Variants in CTNNA3 observed in about 807,000 individuals in gnomAD.
CTNNA3 encodes the protein catenin alpha-3.
In CTNNA3, 76 loss-of-function variants were observed where a neutral mutation model predicts 95.7. The ratio of observed to expected loss-of-function variants is 0.79; its 90% CI spans 0.66 to 0.96. The LOEUF (loss-of-function observed/expected upper bound fraction) is 0.96, where lower values mean the gene tolerates loss of function less well. Among genes scored for constraint, CTNNA3 ranks in the 40% least tolerant of loss-of-function variants. CTNNA3 has a pLI of 0.00. For synonymous variants in CTNNA3, 431 were observed against 374.4 expected (o/e 1.15, Z -1.74); for missense variants, 1,191 against 1,089.8 (o/e 1.09, Z -1.31).
intron 4 of CTNNA3, among the ~76,000 whole-genome samples, chr10:67,525,353 C>T (rs1840110372): frequency 2.0e-5 from 3 of 151,926 alleles, no homozygotes; most frequent in Admixed American, 6.6e-5. Context: ...ATTATTTCTG[C>T]TCAGAAATAA....
intron 9 of CTNNA3, among the ~76,000 whole-genome samples, chr10:66,684,087 C>T (rs1310480414): frequency 2.6e-5 from 4 of 152,040 alleles, no homozygotes; most frequent in Admixed American, 2.6e-4. Context: ...AATAAGTTGA[C>T]CTCTCTGTAA....
At chr10:66,021,871 A>C (rs1238298783) in intron 15 of CTNNA3, among the ~76,000 whole-genome samples, 3 of 24,010 alleles carry the variant, frequency 1.2e-4, no homozygotes, top group African/African-American at 4.7e-4. Context: ...TTTTTTTTAG[A>C]TAGATAGGGT....
intron 7 of CTNNA3, among the ~76,000 whole-genome samples, chr10:66,944,163 A>C (rs1184783707): frequency 6.6e-6 from 1 of 152,242 alleles, no homozygotes; most frequent in Non-Finnish European, 1.5e-5. Flanking sequence ...AATTGAAGTC[A>C]ATCCTCTCAA....
intron 10 of CTNNA3, among the ~76,000 whole-genome samples, chr10:66,565,701 A>G (rs965078678): frequency 6.6e-6 from 1 of 152,104 alleles, no homozygotes; most frequent in African/African-American, 2.4e-5. Flanking sequence ...TAAACTCAGG[A>G]AAGTTTTTCA....
Position 67,086,665 on chromosome 10 carries a change from A to T in CTNNA3, c.1047+93652T>A, listed in dbSNP as rs117999422. 3.1e-3 allele frequency among the ~76,000 whole-genome samples: 468 copies of T among 152,092 alleles called. 5 individuals are homozygous for T. The highest frequency in any genetic ancestry group is 7.3e-3 in the East Asian group (38 of 5,172). Reference sequence around the variant, plus strand: ...CAAGTGGGCTATTAGAAGTCATGAGACACACACACAAACATAAATGCCAAT... The same window carrying T: ...CAAGTGGGCTATTAGAAGTCATGAGTCACACACACAAACATAAATGCCAAT... On this transcript the variant is annotated intron_variant, in intron 7 of 17. Transcript: ENST00000433211.
At chr10:66,777,895 C>T (rs1476338374) in intron 7 of CTNNA3, among the ~76,000 whole-genome samples, 1 of 151,884 alleles carries the variant, frequency 6.6e-6, no homozygotes, top group Non-Finnish European at 1.5e-5. Flanking sequence ...TGTGATTCAT[C>T]AGAACAACTA....
upstream of CTNNA3, among the ~76,000 whole-genome samples, chr10:67,697,534 T>A (rs1200638691): frequency 6.6e-6 from 1 of 152,198 alleles, no homozygotes; most frequent in Non-Finnish European, 1.5e-5. Flanking sequence ...GTACCTCTCC[T>A]TTCCACCTAC....
chr10:66,689,989 GAACA>G (rs1447985520), intron 9 of CTNNA3, among the ~76,000 whole-genome samples: 1 of 152,048 alleles, frequency 6.6e-6, no homozygotes, highest in African/African-American at 2.4e-5. Flanking sequence ...TCTGAAAATA[GAACA>G]AAGAGGATAG....
intron 3 of CTNNA3, among the ~76,000 whole-genome samples, chr10:67,545,059 C>T (rs959804123): frequency 7.2e-6 from 1 of 138,894 alleles, no homozygotes; most frequent in Admixed American, 6.9e-5. Context: ...AAAATTTTTT[C>T]ATAACTAATC....
chr10:67,465,401 A>G (rs998077518), intron 5 of CTNNA3, among the ~76,000 whole-genome samples: 2 of 152,104 alleles, frequency 1.3e-5, no homozygotes, highest in African/African-American at 4.8e-5. Context: ...TGTATATTCT[A>G]GATTATAGAC....
At chr10:66,142,006 T>G (rs2083643489) in intron 13 of CTNNA3, among the ~76,000 whole-genome samples, 1 of 152,188 alleles carries the variant, frequency 6.6e-6, no homozygotes, top group Non-Finnish European at 1.5e-5. Flanking sequence ...AAAGCTTACA[T>G]TTTAATAAAG....
chr10:66,481,121 A>G lies in CTNNA3; in HGVS notation c.1531+39496T>C, dbSNP rs563275797. 3.3e-3 allele frequency among the ~76,000 whole-genome samples: 500 copies of G among 152,290 alleles called. 6 individuals are homozygous for G. The highest frequency in any genetic ancestry group is 0.011 in the African/African-American group (476 of 41,566). ...CAGTTCACAAAGTTTATATGTATAA[A>G]TTGGTAGGCGTAAAGGTATATGTCT... is the stretch of plus-strand genomic sequence containing the variant. On this transcript the variant is annotated intron_variant, in intron 11 of 17. Coordinates refer to ENST00000433211, the MANE Select transcript of CTNNA3 (RefSeq NM_013266.4).
chr10:66,880,600 C>G (rs1315224402), intron 7 of CTNNA3, among the ~76,000 whole-genome samples: 1 of 152,042 alleles, frequency 6.6e-6, no homozygotes, highest in East Asian at 1.9e-4. Flanking sequence ...TAGACAGCAG[C>G]TAGAATTTGC....
intron 3 of CTNNA3, among the ~76,000 whole-genome samples, chr10:67,590,534 C>T (rs774493746): frequency 5.3e-5 from 8 of 152,030 alleles, no homozygotes; most frequent in Non-Finnish European, 1.2e-4. Flanking sequence ...TTAAAAGATC[C>T]TATTGCTTCA....
intron 9 of CTNNA3, among the ~76,000 whole-genome samples, chr10:66,745,770 T>G (rs1472909865): frequency 3.3e-5 from 5 of 150,670 alleles, no homozygotes; most frequent in Non-Finnish European, 7.4e-5. Flanking sequence ...TTTTTTTTTT[T>G]TTGTATTTTT....
intron 10 of CTNNA3, among the ~76,000 whole-genome samples, chr10:66,555,130 T>A (rs1180758785): frequency 6.6e-6 from 1 of 152,044 alleles, no homozygotes; most frequent in Non-Finnish European, 1.5e-5. Flanking sequence ...TGAAAAGGGG[T>A]TCTAGTCAGC....
intron 12 of CTNNA3, among the ~76,000 whole-genome samples, chr10:66,307,798 GC>G (rs1208340189): frequency 6.6e-6 from 1 of 152,090 alleles, no homozygotes; most frequent in Non-Finnish European, 1.5e-5. Flanking sequence ...CATATCCTTT[GC>G]AAATACACAA....
chr10:67,182,543 A>T (rs1480370577), intron 6 of CTNNA3, among the ~76,000 whole-genome samples: 2 of 151,886 alleles, frequency 1.3e-5, no homozygotes, highest in African/African-American at 2.4e-5. Context: ...TAATTCAAGA[A>T]GGATTAAAGA....
chr10:67,477,322 G>A (rs534529202), intron 5 of CTNNA3, among the ~76,000 whole-genome samples: 21 of 151,808 alleles, frequency 1.4e-4, no homozygotes, highest in Middle Eastern at 3.4e-3. Context: ...GGCCTACCCC[G>A]TATGGCCCCA....
Sources: gnomAD v4.1 joint callset for allele counts (sites outside exome capture counted in the v4.1 genomes callset) on GRCh38, gnomAD v4.1.1 for gene constraint, MANE v1.5 for transcripts, NCBI Gene and HGNC (gene_info 2026-07-23, HGNC 2026-07-21) for gene names.